The following PCDHA2 variants were observed in gnomAD, a reference collection of about 807,000 sequenced individuals.
PCDHA2 encodes protocadherin alpha 2, also known as protocadherin alpha-2.
Under a neutral mutation model 66.0 loss-of-function variants are expected in PCDHA2, and 58 were observed. The observed-to-expected ratio is 0.88, with a 90% CI of 0.71 to 1.09. The LOEUF (loss-of-function observed/expected upper bound fraction) is 1.09. Ranked by LOEUF, PCDHA2 falls within the 50% of genes least tolerant of loss-of-function variation. PCDHA2 has a pLI of 0.00. For missense variants in PCDHA2, 1,267 were observed against 1,242.3 expected, an observed-to-expected ratio of 1.02 and a Z score of -0.30; for synonymous variants, 634 against 554.0, an observed-to-expected ratio of 1.14 and a Z score of -2.03.
chr5:140,941,281 C>A (rs12652617), intron 1 of PCDHA2, among the ~76,000 whole-genome samples: 1 of 69,002 alleles, frequency 1.4e-5, no homozygotes, highest in Non-Finnish European at 3.2e-5. Context: ...TTCCTTCCTT[C>A]CTTTCTCTTT....
intron 1 of PCDHA2, chr5:140,877,728 G>A: frequency 1.2e-6 from 2 of 1,614,164 alleles, no homozygotes; most frequent in Non-Finnish European, 1.7e-6. Context: ...CTTACTCGCA[G>A]CAGAGGAGGC....
intron 1 of PCDHA2, chr5:140,834,486 G>A: frequency 6.2e-7 from 1 of 1,614,160 alleles, no homozygotes; most frequent in Non-Finnish European, 8.5e-7. Context: ...CCACTACTCG[G>A]TCCCCGAGGA....
At chr5:140,829,309 G>C (rs2150165707) in intron 1 of PCDHA2, 8 of 1,614,134 alleles carry the variant, frequency 5.0e-6, no homozygotes, top group Non-Finnish European at 6.8e-6. Flanking sequence ...ATTACTACTC[G>C]TTGGTGCTGG....
chr5:140,796,304 A>C lies in PCDHA2; in HGVS notation c.1340A>C (p.Asp447Ala), dbSNP rs782317844. The C allele has an allele frequency of 5.6e-6, 9 of 1,614,108 alleles. 1 individual carries two copies. The South Asian group carries it at 8.8e-5, about 16-fold the overall frequency. ...ATTSVSIEVA[D>A]VNDNAPAFAQ... The stretch of plus-strand genomic sequence containing the variant: ...ACCAGCGTGTCCATCGAGGTGGCCG[A>C]CGTGAACGACAACGCGCCGGCGTTC... Residue 447 changes from aspartate (D) to alanine (A), a missense_variant, in exon 1 of 4, where the codon GAC (aspartate) becomes GCC (alanine). Asp to Ala is a moderately radical substitution (Grantham distance 126). Coordinates refer to ENST00000526136, the MANE Select transcript of PCDHA2 (RefSeq NM_018905.3).
chr5:140,850,575 G>A, intron 1 of PCDHA2: 1 of 1,598,458 alleles, frequency 6.3e-7, no homozygotes, highest in Non-Finnish European at 8.6e-7. Flanking sequence ...GGTGACGCTG[G>A]TGGATGTCAA....
At chr5:140,828,998 G>A (rs2150161774) in intron 1 of PCDHA2, 7 of 1,613,996 alleles carry the variant, frequency 4.3e-6, no homozygotes, top group South Asian at 3.3e-5. Context: ...GGGAGAAATA[G>A]TGATTCGGGG....
chr5:140,823,140 G>A (rs2150122762), intron 1 of PCDHA2: 8 of 1,613,882 alleles, frequency 5.0e-6, no homozygotes, highest in Non-Finnish European at 6.8e-6. Context: ...CGGCGTTCGC[G>A]CAGCCCCAGT....
At chr5:141,007,498 G>T (rs936217793) in intron 3 of PCDHA2, among the ~76,000 whole-genome samples, 2 of 151,942 alleles carry the variant, frequency 1.3e-5, no homozygotes, top group Admixed American at 1.3e-4. Context: ...GACCTAGGAG[G>T]CAGAGACTGC....
At chr5:140,862,877 G>T in intron 1 of PCDHA2, 1 of 567,556 alleles carries the variant, frequency 1.8e-6, no homozygotes. Flanking sequence ...CCAGGTATTA[G>T]TGCTGGAACG....
intron 1 of PCDHA2, chr5:140,928,747 C>T (rs781895762): frequency 2.5e-6 from 4 of 1,614,132 alleles, no homozygotes; most frequent in African/African-American, 2.7e-5. Context: ...AGGTGAGCTC[C>T]GTACTGCTCG....
intron 1 of PCDHA2, chr5:140,856,826 G>A (rs370105926): frequency 3.8e-6 from 6 of 1,592,454 alleles, no homozygotes; most frequent in Non-Finnish European, 4.3e-6. Flanking sequence ...CCAAACATTA[G>A]TAATACGGCT....
At chr5:140,985,103 A>C (rs1342526252) in intron 3 of PCDHA2, among the ~76,000 whole-genome samples, 1 of 151,694 alleles carries the variant, frequency 6.6e-6, no homozygotes, top group Admixed American at 6.6e-5. Context: ...AAGCCTGGCT[A>C]ATTTTTTGTG....
intron 3 of PCDHA2, among the ~76,000 whole-genome samples, chr5:140,994,729 A>G (rs1382639837): frequency 6.6e-6 from 1 of 152,180 alleles, no homozygotes; most frequent in Non-Finnish European, 1.5e-5. Flanking sequence ...AATACTGGGT[A>G]TTGCAGGATG....
chr5:140,935,172 A>G (rs1278781509), intron 1 of PCDHA2, among the ~76,000 whole-genome samples: 34 of 152,164 alleles, frequency 2.2e-4, no homozygotes, highest in Admixed American at 2.1e-3. Context: ...AGGTGTGCTT[A>G]TTGCTGCTGG....
At position 140,809,155 on chromosome 5, in the gene PCDHA2, G is replaced by T. The variant is rs567757480; in HGVS notation, c.2388+11803G>T. On this transcript the variant is annotated intron_variant, in intron 1 of 3. Coordinates refer to ENST00000526136, the MANE Select transcript of PCDHA2 (RefSeq NM_018905.3). Reference sequence around the variant, plus strand: ...TGGTACTGGTGAAGGACCACGGCGAGCCCGCGCTGACGGCCACGGCCACTG... The same window carrying T: ...TGGTACTGGTGAAGGACCACGGCGATCCCGCGCTGACGGCCACGGCCACTG... 5 of 1,613,980 alleles carry T rather than the reference G, an allele frequency of 3.1e-6. No homozygotes were observed. In the East Asian group the frequency reaches 8.9e-5, roughly 29 times the overall value.
intron 1 of PCDHA2, chr5:140,856,447 CG>C (rs782392908): frequency 2.5e-6 from 4 of 1,598,330 alleles, no homozygotes. Flanking sequence ...CCAGGTTCTC[CG>C]TAACAGAACA....
rs782258990 is a variant in PCDHA2 at position 140,870,453 on chromosome 5, T to C, written c.2388+73101T>C. ...TGGAGGTGGCCGACGTGAACGACAATGCGCCTGCGTTCGCACAGCCCGAGT... is the reference window on the plus strand; with the variant it reads ...TGGAGGTGGCCGACGTGAACGACAACGCGCCTGCGTTCGCACAGCCCGAGT... On this transcript the variant is annotated intron_variant, in intron 1 of 3. Coordinates refer to ENST00000526136, the MANE Select transcript of PCDHA2 (RefSeq NM_018905.3). 10 of 1,614,138 alleles carry C rather than the reference T, an allele frequency of 6.2e-6. No homozygotes were observed. The Admixed American group carries it at 6.7e-5, about 11-fold the overall frequency.
intron 1 of PCDHA2, chr5:140,825,191 A>G (rs1768473912): frequency 6.6e-6 from 1 of 151,754 alleles, no homozygotes; most frequent in African/African-American, 2.4e-5. Flanking sequence ...CTTGATGATC[A>G]TGAATTATCA....
chr5:140,985,430 A>T lies in PCDHA2; in HGVS notation c.2536+2867A>T, dbSNP rs1158797076. ...GGAAATGGAGTGAGGAGGATTTATT[A>T]GTTGCTGCCTGAAGAAAAGGGAAAT... On this transcript the variant is annotated intron_variant, in intron 3 of 3. Transcript: ENST00000526136. Among the ~76,000 whole-genome samples the T allele has an allele frequency of 2.6e-5, 4 of 152,186 alleles. 1 individual carries two copies. Among genetic ancestry groups the T allele is most frequent in the Non-Finnish European group, 5.9e-5 (4 of 68,036 alleles).
Sources: gnomAD v4.1 joint callset for allele counts (sites outside exome capture counted in the v4.1 genomes callset) on GRCh38, gnomAD v4.1.1 for gene constraint, MANE v1.5 for transcripts, NCBI Gene and HGNC (gene_info 2026-07-23, HGNC 2026-07-21) for gene names.